The following VAMP7 variants were observed in gnomAD, a reference collection of about 807,000 sequenced individuals.
VAMP7 encodes vesicle-associated membrane protein 7.
VAMP7 carries 14 observed loss-of-function variants against 29.6 expected under a neutral mutation model. That is an observed-to-expected ratio of 0.47 (90% CI 0.31 to 0.74). The LOEUF (loss-of-function observed/expected upper bound fraction) is 0.74, where lower values mean the gene tolerates loss of function less well. VAMP7 is among the 30% of genes least tolerant of loss of function. VAMP7 has a pLI of 0.05. For missense variants in VAMP7, 223 were observed against 262.4 expected (o/e 0.85, Z 1.04); for synonymous variants, 95 against 88.1 (o/e 1.08, Z -0.44).
At chrX:155,917,348 G>C (rs892180922) in intron 5 of VAMP7, among the ~76,000 whole-genome samples, 7 of 152,078 alleles carry the variant, frequency 4.6e-5, no homozygotes, top group South Asian at 2.1e-4. Context: ...ACCTTCTGAA[G>C]CCTGCTTCTG....
chrX:155,924,404 T>C (rs375807434), intron 6 of VAMP7, among the ~76,000 whole-genome samples: 61 of 152,280 alleles, frequency 4.0e-4, no homozygotes, highest in African/African-American at 1.4e-3. Context: ...AACTTTTTTA[T>C]CACCCCTTAA....
intron 5 of VAMP7, among the ~76,000 whole-genome samples, chrX:155,913,889 G>T (rs1345589800): frequency 6.6e-6 from 1 of 152,146 alleles, no homozygotes; most frequent in Non-Finnish European, 1.5e-5. Flanking sequence ...ATTTAAAGTA[G>T]TGTTTTTCTA....
chrX:155,940,352 A>G (rs774921953), intron 7 of VAMP7, among the ~76,000 whole-genome samples: 2 of 152,146 alleles, frequency 1.3e-5, no homozygotes, highest in African/African-American at 4.8e-5. Context: ...CTCCAAGCAG[A>G]TAACTCTGAC....
At chrX:155,909,844 T>G (rs2066211217) in intron 5 of VAMP7, among the ~76,000 whole-genome samples, 1 of 152,002 alleles carries the variant, frequency 6.6e-6, no homozygotes, top group African/African-American at 2.4e-5. Context: ...TACACATTTA[T>G]GGGGTACGTG....
At chrX:155,910,466 A>C (rs146306019) in intron 5 of VAMP7, among the ~76,000 whole-genome samples, 151 of 152,290 alleles carry the variant, frequency 9.9e-4, no homozygotes, top group Non-Finnish European at 1.7e-3. Flanking sequence ...CTTTGCATAA[A>C]TACCCAGTAG....
chrX:155,898,008 A>G (rs2066008828), intron 3 of VAMP7, 104 bp from the exon 4 acceptor site: 31 of 1,401,408 alleles, frequency 2.2e-5, no homozygotes, highest in Non-Finnish European at 2.9e-5. Flanking sequence ...TCCTCAGATA[A>G]TCATTGCTCA....
At position 155,902,063 on chromosome X, in the gene VAMP7, A is replaced by G. The variant is rs772708262; in HGVS notation, c.433+1476A>G. ...TTTATTTCACTGAGCAGTGGTTTGT[A>G]GTTCTCCTTGAAGTGGTCCTTCACA... On this transcript the variant is annotated intron_variant, in intron 5 of 7. Coordinates refer to ENST00000286448, the MANE Select transcript of VAMP7 (RefSeq NM_005638.6). 2.9e-3 allele frequency among the ~76,000 whole-genome samples: 445 copies of G among 152,190 alleles called. 2 individuals carry two copies. The highest frequency in any genetic ancestry group is 5.0e-3 in the Non-Finnish European group (342 of 68,000).
intron 2 of VAMP7, among the ~76,000 whole-genome samples, chrX:155,892,897 C>T (rs1365091158): frequency 6.6e-6 from 1 of 151,792 alleles, no homozygotes; most frequent in African/African-American, 2.4e-5. Context: ...GGATGACAGG[C>T]GTGTGCCACC....
chrX:155,929,450 C>G (rs769965383), intron 6 of VAMP7, among the ~76,000 whole-genome samples: 1 of 152,044 alleles, frequency 6.6e-6, no homozygotes, highest in Non-Finnish European at 1.5e-5. Flanking sequence ...ACAGTTGCCC[C>G]CCCTGGGCAT....
At chrX:155,941,737 A>G (rs905418894) in intron 7 of VAMP7, 146 bp from the exon 8 acceptor site, 23 of 994,324 alleles carry the variant, frequency 2.3e-5, no homozygotes, top group Non-Finnish European at 3.2e-5. Context: ...CTTGGAAAAT[A>G]CTTGTTTAGT....
intron 2 of VAMP7, 27 bp downstream of exon 2, chrX:155,889,639 G>A: frequency 6.2e-7 from 1 of 1,611,098 alleles, no homozygotes; most frequent in Non-Finnish European, 8.5e-7. Flanking sequence ...ATGTGGTAAG[G>A]GATGAAAGAA....
Position 155,902,685 on chromosome X carries a change from A to G in VAMP7, c.433+2098A>G, listed in dbSNP as rs1239616882. 5.9e-5 allele frequency among the ~76,000 whole-genome samples: 9 copies of G among 152,182 alleles called. No individual in the cohort carries two copies. In the South Asian group the frequency reaches 1.9e-3, roughly 32 times the overall value. On this transcript the variant is annotated intron_variant, in intron 5 of 7. Transcript: ENST00000286448. Reference sequence around the variant, plus strand: ...CTGGATTACATTTATTGATTTGCGTATACTGAACCAGCCTTGCATCCCAGG... The same window carrying G: ...CTGGATTACATTTATTGATTTGCGTGTACTGAACCAGCCTTGCATCCCAGG...
chrX:155,915,246 TCTC>T (rs1161337114), intron 5 of VAMP7, among the ~76,000 whole-genome samples: 1 of 152,158 alleles, frequency 6.6e-6, no homozygotes, highest in African/African-American at 2.4e-5. Flanking sequence ...ATTTGATTCT[TCTC>T]TCTTTTCTCC....
At chrX:155,886,888 T>G (rs1401688410) in intron 1 of VAMP7, among the ~76,000 whole-genome samples, 1 of 152,158 alleles carries the variant, frequency 6.6e-6, no homozygotes. Context: ...CTTTTTGTAT[T>G]AATTGTTGCC....
intron 5 of VAMP7, among the ~76,000 whole-genome samples, chrX:155,909,719 G>C (rs1040685269): frequency 4.6e-4 from 70 of 152,282 alleles, no homozygotes; most frequent in Admixed American, 1.2e-3. Context: ...TCAGGTTCTG[G>C]TAAGGGCTCT....
intron 4 of VAMP7, among the ~76,000 whole-genome samples, chrX:155,900,149 A>C (rs1231659347): frequency 6.6e-6 from 1 of 151,902 alleles, no homozygotes; most frequent in Non-Finnish European, 1.5e-5. Context: ...CCCCAACTAC[A>C]GTCTTCTTTT....
At chrX:155,920,487 A>G (rs893354219) in intron 6 of VAMP7, among the ~76,000 whole-genome samples, 3 of 152,070 alleles carry the variant, frequency 2.0e-5, no homozygotes, top group Non-Finnish European at 4.4e-5. Context: ...GATCAGCTAC[A>G]ATTTGGGTCT....
At position 155,932,061 on chromosome X, in the gene VAMP7, G is replaced by A. The variant is rs369491432; in HGVS notation, c.502-7640G>A. 1.4e-3 allele frequency among the ~76,000 whole-genome samples: 214 copies of A among 152,140 alleles called. 7 individuals are homozygous for A. The South Asian group carries it at 0.044, about 32-fold the overall frequency. On this transcript the variant is annotated intron_variant, in intron 6 of 7. Transcript: ENST00000286448. ...CTGAGGGCTCTGTTCTGTTCCATTGGTCTATATCTCTGTTTTGGTACCAGT... is the reference window on the plus strand; with the variant it reads ...CTGAGGGCTCTGTTCTGTTCCATTGATCTATATCTCTGTTTTGGTACCAGT...
chrX:155,881,902 TC>T (rs1270978851), intron 1 of VAMP7, among the ~76,000 whole-genome samples: 3 of 152,090 alleles, frequency 2.0e-5, no homozygotes, highest in African/African-American at 7.2e-5. Flanking sequence ...GTATTGACAG[TC>T]CCCTTCTTCC....
Sources: allele counts gnomAD v4.1 joint callset (sites outside exome capture counted in the v4.1 genomes callset), GRCh38; gene constraint gnomAD v4.1.1; transcripts MANE v1.5; gene names NCBI Gene and HGNC (gene_info 2026-07-23, HGNC 2026-07-21).